The following TNR variants were observed in gnomAD, a reference collection of about 807,000 sequenced individuals.
TNR encodes tenascin-R.
In TNR, 45 loss-of-function variants were observed where a neutral mutation model predicts 150.4. That is an observed-to-expected ratio of 0.30 (90% CI 0.24 to 0.38). The LOEUF is 0.38. Ranked by LOEUF, TNR falls within the 10% of genes least tolerant of loss-of-function variation. The pLI is 1.00. For synonymous variants in TNR, 687 were observed against 678.4 expected (o/e 1.01, Z -0.20); for missense variants, 1,544 against 1,759.1 (o/e 0.88, Z 2.19).
intron 1 of TNR, among the ~76,000 whole-genome samples, chr1:175,657,963 G>C (rs1665243374): frequency 6.7e-6 from 1 of 150,204 alleles, no homozygotes; most frequent in South Asian, 2.1e-4. Flanking sequence ...AGGTGAAAGG[G>C]GGAATGGAGA....
intron 20 of TNR, among the ~76,000 whole-genome samples, chr1:175,334,459 C>T (rs2236888): frequency 0.47 from 72,047 of 152,110 alleles, 19,463 homozygotes; most frequent in East Asian, 0.77. Context: ...TTTCTATAAT[C>T]CCTTACTGCT....
chr1:175,508,524 A>T (rs1339058383), intron 2 of TNR, among the ~76,000 whole-genome samples: 1 of 152,218 alleles, frequency 6.6e-6, no homozygotes, highest in Non-Finnish European at 1.5e-5. Flanking sequence ...CTGGGTTATA[A>T]AAAGGCTGTG....
At chr1:175,462,733 A>T (rs574973250) in intron 2 of TNR, among the ~76,000 whole-genome samples, 3 of 152,304 alleles carry the variant, frequency 2.0e-5, no homozygotes, top group African/African-American at 7.2e-5. Flanking sequence ...TTATCCTGAC[A>T]AGGTGAGTGA....
chr1:175,649,465 A>G (rs893521703), intron 1 of TNR, among the ~76,000 whole-genome samples: 5 of 152,120 alleles, frequency 3.3e-5, no homozygotes, highest in African/African-American at 1.2e-4. Context: ...TGCAGTGTCC[A>G]GTCCTCATCA....
chr1:175,507,368 A>G (rs1557976000), intron 2 of TNR, among the ~76,000 whole-genome samples: 4 of 152,178 alleles, frequency 2.6e-5, no homozygotes. Context: ...TCTTTCTGCC[A>G]TCAGAGTTCT....
intron 2 of TNR, among the ~76,000 whole-genome samples, chr1:175,416,858 A>G (rs978643612): frequency 6.6e-6 from 1 of 152,226 alleles, no homozygotes; most frequent in Admixed American, 6.5e-5. Flanking sequence ...AATACAAAAA[A>G]TTAGCCAGGC....
intron 2 of TNR, among the ~76,000 whole-genome samples, chr1:175,438,797 C>T (rs1655637793): frequency 1.3e-5 from 2 of 152,066 alleles, no homozygotes; most frequent in African/African-American, 2.4e-5. Context: ...GAATAAAATA[C>T]CTAGGAATCC....
intron 1 of TNR, among the ~76,000 whole-genome samples, chr1:175,593,839 C>A (rs1178410835): frequency 1.3e-5 from 2 of 152,156 alleles, no homozygotes; most frequent in Non-Finnish European, 2.9e-5. Flanking sequence ...TCCACAGCAC[C>A]AAGTGTCCTC....
intron 2 of TNR, among the ~76,000 whole-genome samples, chr1:175,440,319 G>A (rs12086602): frequency 0.26 from 38,063 of 148,600 alleles, 5,114 homozygotes; most frequent in East Asian, 0.5. Context: ...GGTGGGAATT[G>A]AACAATGAGA....
intron 18 of TNR, among the ~76,000 whole-genome samples, chr1:175,342,005 G>A (rs748480826): frequency 5.9e-5 from 9 of 152,326 alleles, no homozygotes; most frequent in East Asian, 3.9e-4. Flanking sequence ...TTCTCACAGC[G>A]TCTTCCAGTA....
At chr1:175,535,385 G>T (rs1306870853) in intron 1 of TNR, among the ~76,000 whole-genome samples, 1 of 152,184 alleles carries the variant, frequency 6.6e-6, no homozygotes, top group Non-Finnish European at 1.5e-5. Context: ...TCTGGATGGT[G>T]TGTTTAAATC....
chr1:175,568,287 A>G (rs1571618105), intron 1 of TNR, among the ~76,000 whole-genome samples: 2 of 151,428 alleles, frequency 1.3e-5, no homozygotes, highest in Non-Finnish European at 2.9e-5. Context: ...CTCTCTTTAA[A>G]CATACAAGCC....
chr1:175,683,508 C>A (rs1314182894), intron 1 of TNR, among the ~76,000 whole-genome samples: 2 of 152,210 alleles, frequency 1.3e-5, no homozygotes. Context: ...AAGGGTGAGT[C>A]TGGCAGGTGG....
intron 1 of TNR, among the ~76,000 whole-genome samples, chr1:175,564,115 A>T (rs1047154429): frequency 6.6e-6 from 1 of 152,248 alleles, no homozygotes; most frequent in African/African-American, 2.4e-5. Flanking sequence ...GGCAATCTGT[A>T]AGCATCAACA....
chr1:175,716,472 G>C (rs1318293548), intron 1 of TNR, among the ~76,000 whole-genome samples: 7 of 152,124 alleles, frequency 4.6e-5, no homozygotes, highest in Non-Finnish European at 8.8e-5. Context: ...TGTATGCTCA[G>C]TCCTGGAGGT....
intron 1 of TNR, among the ~76,000 whole-genome samples, chr1:175,539,540 TG>T (rs1237241231): frequency 3.9e-5 from 6 of 152,192 alleles, no homozygotes; most frequent in African/African-American, 1.4e-4. Context: ...ACAGTTGCAC[TG>T]AGACCTGCTG....
intron 18 of TNR, among the ~76,000 whole-genome samples, chr1:175,345,751 G>A (rs996167273): frequency 6.6e-6 from 1 of 151,966 alleles, no homozygotes; most frequent in Non-Finnish European, 1.5e-5. Context: ...AAAAATAAAA[G>A]AGGAGAAAGT....
In TNR at chr1:175,709,764, G is replaced by A. The variant is rs11807922; in HGVS notation, c.-165+33462C>T. ...TTGCTCAGCCCTTCTTGGCCTCTTC[G>A]CAGCATTTGATCCTACTGAGCACCC... is the stretch of plus-strand genomic sequence containing the variant. On this transcript the variant is annotated intron_variant, in intron 1 of 22. Coordinates refer to ENST00000367674, the MANE Select transcript of TNR (RefSeq NM_003285.3). 5.7e-3 allele frequency among the ~76,000 whole-genome samples: 870 copies of A among 151,950 alleles called. 10 individuals carry two copies. The highest frequency in any genetic ancestry group is 0.02 in the African/African-American group (843 of 41,440).
chr1:175,654,908 G>A (rs988955429), intron 1 of TNR, among the ~76,000 whole-genome samples: 2 of 151,844 alleles, frequency 1.3e-5, no homozygotes, highest in Non-Finnish European at 2.9e-5. Flanking sequence ...ATTTTTAGTA[G>A]AGACAGGGTT....
Sources: gnomAD v4.1 joint callset for allele counts (sites outside exome capture counted in the v4.1 genomes callset) on GRCh38, gnomAD v4.1.1 for gene constraint, MANE v1.5 for transcripts, NCBI Gene and HGNC (gene_info 2026-07-23, HGNC 2026-07-21) for gene names.